The following ANKRD26 variants were observed in gnomAD, a reference collection of about 807,000 sequenced individuals.
The protein encoded by ANKRD26 is ankyrin repeat domain-containing protein 26.
A neutral mutation model predicts 208.7 loss-of-function variants in ANKRD26; 141 were observed. The observed-to-expected ratio is 0.68, with a 90% CI of 0.59 to 0.78. The LOEUF (loss-of-function observed/expected upper bound fraction) is 0.78, where lower values mean the gene tolerates loss of function less well. Among genes scored for constraint, ANKRD26 ranks in the 30% least tolerant of loss-of-function variants. ANKRD26 has a pLI of 0.00. For synonymous variants in ANKRD26, 636 were observed against 660.4 expected (o/e 0.96, Z 0.57); for missense variants, 1,889 against 1,938.7 (o/e 0.97, Z 0.48).
intron 4 of ANKRD26, among the ~76,000 whole-genome samples, chr10:27,087,500 T>A (rs749992398): frequency 6.6e-6 from 1 of 152,262 alleles, no homozygotes; most frequent in Non-Finnish European, 1.5e-5. Context: ...AAGTCCTAAT[T>A]TTGGTTATTA....
chr10:26,990,158 C>T (rs1304582152), downstream of ANKRD26, among the ~76,000 whole-genome samples: 1 of 152,096 alleles, frequency 6.6e-6, no homozygotes, highest in Non-Finnish European at 1.5e-5. Flanking sequence ...CAGAAGATTC[C>T]CTTCTAGGCC....
At chr10:27,047,950 C>G (rs1176946163) in intron 17 of ANKRD26, among the ~76,000 whole-genome samples, 3 of 152,038 alleles carry the variant, frequency 2.0e-5, no homozygotes, top group Non-Finnish European at 2.9e-5. Flanking sequence ...ACCATGTTTT[C>G]CAGGCTCATC....
rs1315399029 is a variant in ANKRD26 at position 27,017,607 on chromosome 10, C to A, written c.4401G>T (p.Arg1467Ser). 1 of 1,613,636 alleles carries A rather than the reference C, an allele frequency of 6.2e-7. No homozygotes were observed. Among genetic ancestry groups the A allele is most frequent in the Non-Finnish European group, 8.5e-7 (1 of 1,179,820 alleles). Residue 1467 changes from arginine to serine, a missense_variant, in exon 30 of 34, where the codon AGG becomes AGT. Physicochemically the swap from Arg to Ser is moderately radical, Grantham distance 110. This residue lies in a region of ANKRD26 where 613 missense variants were observed against 648.2 expected (regional missense o/e 0.95). Transcript: ENST00000376087. ...EVINLRSHIERNMVELGQVKQ... is the reference protein window; with the variant it reads ...EVINLRSHIESNMVELGQVKQ... ...TGACTTGACCAAGTTCTACCATATT[C>A]CTTTCTATATGACTTCTCAGGTTGA...
In ANKRD26 at chr10:27,028,844, T is replaced by C; in HGVS notation, c.3972+8A>G. Reference sequence around the variant, plus strand: ...TTCAGTACGACAGAAATTAAGTGGCTGACTTACCAAATTTGCATTTAACAG... The same window carrying C: ...TTCAGTACGACAGAAATTAAGTGGCCGACTTACCAAATTTGCATTTAACAG... On this transcript the variant is annotated splice_region_variant and intron_variant, in intron 27 of 33. Coordinates refer to ENST00000376087, the MANE Select transcript of ANKRD26 (RefSeq NM_014915.3). 6.2e-7 allele frequency: 1 copy of C among 1,609,674 alleles called. No individual in the cohort carries two copies. The highest frequency in any genetic ancestry group is 1.1e-5 in the South Asian group (1 of 90,876).
At chr10:27,043,127 A>T (rs1272724327) in intron 20 of ANKRD26, among the ~76,000 whole-genome samples, 3 of 151,932 alleles carry the variant, frequency 2.0e-5, no homozygotes, top group Non-Finnish European at 4.4e-5. Flanking sequence ...GCTCTTCAAA[A>T]GATACCATTA....
At chr10:26,950,436 T>C in the ANKRD26 span, among the ~76,000 whole-genome samples, 3 of 135,730 alleles carry the variant, frequency 2.2e-5, no homozygotes, top group Non-Finnish European at 4.9e-5. Flanking sequence ...GAAAACGTAC[T>C]AATATACTCA....
chr10:26,992,631 C>G (rs759583956), intron 5 of ANKRD26, among the ~76,000 whole-genome samples: 3 of 152,048 alleles, frequency 2.0e-5, no homozygotes, highest in Non-Finnish European at 4.4e-5. Flanking sequence ...ATTACTCTAG[C>G]CTTTTTGGTT....
At chr10:27,017,133 T>C (rs1268966298) in intron 30 of ANKRD26, among the ~76,000 whole-genome samples, 1 of 152,174 alleles carries the variant, frequency 6.6e-6, no homozygotes, top group East Asian at 1.9e-4. Flanking sequence ...TTAGTACTCA[T>C]GAACTCTGAT....
chr10:27,023,103 C>A (rs1178136270), intron 28 of ANKRD26, among the ~76,000 whole-genome samples: 1 of 152,078 alleles, frequency 6.6e-6, no homozygotes, highest in Admixed American at 6.5e-5. Context: ...CCGAGCCAGG[C>A]GGATCACTTG....
chr10:26,951,637 C>T, the ANKRD26 span, among the ~76,000 whole-genome samples: 1 of 152,122 alleles, frequency 6.6e-6, no homozygotes, highest in Non-Finnish European at 1.5e-5. Flanking sequence ...TAAGTAGATA[C>T]ATCGCCTGAG....
rs969889813 is a variant in ANKRD26 at position 26,976,713 on chromosome 10, G to A, written c.*282-671C>T. On this transcript the variant is annotated intron_variant and NMD_transcript_variant, in intron 5 of 5. Transcript: ENST00000674670. ...TTCTTAAGTTTAAGGCTTCTTAGCC[G>A]TCACACAAGCTCACTGCGTGTGCAA... Among the ~76,000 whole-genome samples, 3 of 151,956 alleles carry A rather than the reference G, an allele frequency of 2.0e-5. 1 individual carries two copies. The highest frequency in any genetic ancestry group is 2.1e-4 in the South Asian group (1 of 4,804).
chr10:26,975,347 G>C (rs2052208782), exon 6 of ANKRD26, among the ~76,000 whole-genome samples: 1 of 149,772 alleles, frequency 6.7e-6, no homozygotes, highest in Non-Finnish European at 1.5e-5. Context: ...TCCCACCTCA[G>C]CCTCCTGAGT....
intron 17 of ANKRD26, among the ~76,000 whole-genome samples, chr10:27,047,701 A>ATAC (rs1252384073): frequency 1.4e-3 from 190 of 138,884 alleles, no homozygotes; most frequent in African/African-American, 4.7e-3. Flanking sequence ...AACTGTAATA[A>ATAC]TACTACTACT....
chr10:27,067,394 T>TA lies in ANKRD26; in HGVS notation c.1078-109dup, dbSNP rs1360162376. ...CCGTACTTGCACTACCATAAAGAAA[T>TA]ACCTGGTCATCCAAGATGGGGGCAT... On this transcript the variant is annotated intron_variant, in intron 9 of 33. Transcript: ENST00000376087. 4 of 1,286,402 alleles carry TA rather than the reference T, an allele frequency of 3.1e-6. No individual in the cohort carries two copies. The Admixed American group carries it at 1.0e-4, about 32-fold the overall frequency. The allele number at this position is 1,286,402 out of a possible 1,614,324, so 79.7% of individuals were successfully genotyped here.
chr10:27,062,297 TA>T (rs2055086282), intron 12 of ANKRD26: 1 of 781,528 alleles, frequency 1.3e-6, no homozygotes, highest in Non-Finnish European at 1.6e-6. Flanking sequence ...AAAAGAAAAA[TA>T]ATGCTTTATT....
chr10:27,087,739 G>A (rs543249168), intron 4 of ANKRD26, among the ~76,000 whole-genome samples: 1 of 152,100 alleles, frequency 6.6e-6, no homozygotes, highest in Non-Finnish European at 1.5e-5. Context: ...TTGTTAGAAC[G>A]GTGCTTAATC....
the ANKRD26 span, among the ~76,000 whole-genome samples, chr10:26,963,259 A>G: frequency 6.6e-6 from 1 of 151,968 alleles, no homozygotes; most frequent in Non-Finnish European, 1.5e-5. Context: ...ATCACCCACA[A>G]TCTATTGCTT....
chr10:27,100,464 G>A lies in ANKRD26; in HGVS notation c.-138C>T. On this transcript the variant is annotated 5_prime_UTR_variant, in exon 1 of 34. Coordinates refer to ENST00000376087, the MANE Select transcript of ANKRD26 (RefSeq NM_014915.3). ...TCCGCGGTTTCCAATCTCTCCCTCC[G>A]GGTTACCAAGCAAGCGATCCCGCTA... 2.3e-6 allele frequency: 3 copies of A among 1,302,744 alleles called. No homozygotes were observed. The highest frequency in any genetic ancestry group is 3.1e-6 in the Non-Finnish European group (3 of 964,608). 80.7% of individuals were successfully genotyped at this position (1,302,744 alleles called of 1,614,324 possible). A position where few individuals can be genotyped will look rare whatever the true frequency, so the allele number is the denominator to read the frequency against.
At chr10:27,022,494 T>G (rs571408899) in intron 29 of ANKRD26, 64 bp downstream of exon 29, 160 of 1,279,448 alleles carry the variant, frequency 1.3e-4, no homozygotes, top group Non-Finnish European at 1.6e-4. Context: ...GTTCAAAGCA[T>G]TGAGAAGTCT....
Sources: gnomAD v4.1 joint callset for allele counts (sites outside exome capture counted in the v4.1 genomes callset) on GRCh38, gnomAD v4.1.1 for gene constraint, gnomAD v4.1.1 regional missense constraint, MANE v1.5 for transcripts, NCBI Gene and HGNC (gene_info 2026-07-23, HGNC 2026-07-21) for gene names.